FHL2: variants seen among roughly 807,000 people sequenced by gnomAD.
FHL2 encodes four and a half LIM domains 2, also known as four and a half LIM domains protein 2.
Under a neutral mutation model 32.7 loss-of-function variants are expected in FHL2, and 20 were observed. That is an observed-to-expected ratio of 0.61 (90% CI 0.43 to 0.89). The LOEUF (loss-of-function observed/expected upper bound fraction) is 0.89, where lower values mean the gene tolerates loss of function less well. Among genes scored for constraint, FHL2 ranks in the 40% least tolerant of loss-of-function variants. The pLI is 0.00. For synonymous variants in FHL2, 123 were observed against 128.1 expected (o/e 0.96, Z 0.27); for missense variants, 311 against 358.6 (o/e 0.87, Z 1.07).
At chr2:105,399,908 G>A (rs141968068), upstream of FHL2, among the ~76,000 whole-genome samples, 1 of 152,174 alleles carries the variant, frequency 6.6e-6, no homozygotes, top group Admixed American at 6.5e-5. Flanking sequence ...TTGGGGGCAG[G>A]TGTATTATTT....
intron 1 of FHL2, among the ~76,000 whole-genome samples, chr2:105,417,684 C>CAAAA (rs11353319): frequency 3.5e-4 from 31 of 89,376 alleles, no homozygotes; most frequent in African/African-American, 5.3e-4. Flanking sequence ...ACTCCATCTC[C>CAAAA]AAAAAAAAAA....
intron 1 of FHL2, among the ~76,000 whole-genome samples, chr2:105,433,088 C>A (rs1265546679): frequency 2.0e-5 from 3 of 152,110 alleles, no homozygotes; most frequent in African/African-American, 4.8e-5. Flanking sequence ...TGGATGAATA[C>A]CCTTCCCAGC....
At chr2:105,395,956 C>T (rs6760265) in intron 2 of FHL2, among the ~76,000 whole-genome samples, 13,415 of 152,172 alleles carry the variant, frequency 0.088, 775 homozygotes, top group African/African-American at 0.16. Context: ...GGAGACCAGA[C>T]GCTGCTCCAG....
chr2:105,390,884 C>T (rs1002903301), intron 2 of FHL2, among the ~76,000 whole-genome samples: 2 of 151,834 alleles, frequency 1.3e-5, no homozygotes, highest in African/African-American at 4.8e-5. Flanking sequence ...GCAGCCTCCA[C>T]CTCCCGGGTT....
At chr2:105,413,512 T>C (rs1683853622) in intron 1 of FHL2, among the ~76,000 whole-genome samples, 1 of 152,062 alleles carries the variant, frequency 6.6e-6, no homozygotes, top group Non-Finnish European at 1.5e-5. Context: ...GAGGCAGGGT[T>C]ACCCGGGCTG....
intron 1 of FHL2, among the ~76,000 whole-genome samples, chr2:105,436,497 T>A (rs1518609): frequency 0.84 from 128,492 of 152,092 alleles, 55,017 homozygotes; most frequent in Non-Finnish European, 0.92. Context: ...ATTTTGAATC[T>A]ACAGTAAAAG....
At position 105,412,801 on chromosome 2, in the gene FHL2, G is replaced by C. The variant is rs114382685; in HGVS notation, c.-25+25598C>G. On this transcript the variant is annotated intron_variant, in intron 1 of 5. Coordinates refer to the FHL2 transcript ENST00000393352. ...GACACAGCCGAGGAGCAGTGGCCAG[G>C]GGGTGCTGAGAGTGTGTTGCACGTG... 9.3e-3 allele frequency among the ~76,000 whole-genome samples: 1,421 copies of C among 152,314 alleles called. 23 individuals are homozygous for C. The highest frequency in any genetic ancestry group is 0.032 in the African/African-American group (1,350 of 41,564).
upstream of FHL2, among the ~76,000 whole-genome samples, chr2:105,402,723 A>G (rs1683513014): frequency 1.3e-5 from 2 of 152,228 alleles, no homozygotes; most frequent in South Asian, 4.1e-4. Context: ...TCGAAGGACA[A>G]AGTATTAAAA....
intron 3 of FHL2, among the ~76,000 whole-genome samples, chr2:105,384,851 G>A (rs1462775672): frequency 6.6e-6 from 1 of 152,190 alleles, no homozygotes; most frequent in Non-Finnish European, 1.5e-5. Context: ...GCACGGAAGG[G>A]TCAAGTAACT....
At chr2:105,399,313 G>T, upstream of FHL2, 4 of 1,535,860 alleles carry the variant, frequency 2.6e-6, no homozygotes, top group South Asian at 4.8e-5. Context: ...GGGCTCTCGG[G>T]CGCGAGTTTC....
At chr2:105,413,862 C>T (rs1406087193) in intron 1 of FHL2, among the ~76,000 whole-genome samples, 1 of 152,166 alleles carries the variant, frequency 6.6e-6, no homozygotes, top group Non-Finnish European at 1.5e-5. Context: ...CCTCCATATA[C>T]CAAGCAATTC....
At chr2:105,419,477 T>C (rs1319378949) in intron 1 of FHL2, among the ~76,000 whole-genome samples, 1 of 152,198 alleles carries the variant, frequency 6.6e-6, no homozygotes, top group East Asian at 1.9e-4. Flanking sequence ...AATTTCCCTT[T>C]GTGAAGGTGT....
upstream of FHL2, among the ~76,000 whole-genome samples, chr2:105,399,958 G>A (rs1202615283): frequency 2.0e-5 from 3 of 152,170 alleles, no homozygotes; most frequent in African/African-American, 4.8e-5. Context: ...ATCCTCCAGA[G>A]AAGGCGGGAA....
At chr2:105,385,776 A>G (rs1368788600) in intron 3 of FHL2, 1 of 153,022 alleles carries the variant, frequency 6.5e-6, no homozygotes, top group African/African-American at 2.4e-5. Context: ...GGTACAAGTG[A>G]CCAGTGGTCT....
intron 1 of FHL2, among the ~76,000 whole-genome samples, chr2:105,405,012 T>A (rs186727947): frequency 6.6e-6 from 1 of 152,190 alleles, no homozygotes; most frequent in African/African-American, 2.4e-5. Context: ...AGAAAGACTC[T>A]GTTTGGTACA....
rs1414805444 is a variant in FHL2 at position 105,398,937 on chromosome 2, C to T, written c.-171G>A. The T allele has an allele frequency of 6.5e-7, 1 of 1,536,250 alleles. No homozygotes were observed. The highest frequency in any genetic ancestry group is 2.0e-5 in the Admixed American group (1 of 49,252). ...CCCTGGTGGCTAAGCCCCTCGGCCT[C>T]CCTCCGGGGCGCAGGGGGTTGGAGG... On this transcript the variant is annotated 5_prime_UTR_variant, in exon 1 of 7. Transcript: ENST00000530340.
At chr2:105,361,962 T>C (rs1680302424) in intron 6 of FHL2, among the ~76,000 whole-genome samples, 1 of 152,216 alleles carries the variant, frequency 6.6e-6, no homozygotes, top group Non-Finnish European at 1.5e-5. Flanking sequence ...TGCAGACAGA[T>C]AGAATGGAAT....
At chr2:105,402,627 T>C (rs1683509649), upstream of FHL2, among the ~76,000 whole-genome samples, 1 of 152,168 alleles carries the variant, frequency 6.6e-6, no homozygotes, top group African/African-American at 2.4e-5. Flanking sequence ...CTGATATTAA[T>C]AGTAAGTCAA....
chr2:105,413,588 C>T (rs1683855799), intron 1 of FHL2, among the ~76,000 whole-genome samples: 1 of 152,214 alleles, frequency 6.6e-6, no homozygotes, highest in Admixed American at 6.5e-5. Context: ...ATCCTCCCAC[C>T]TCAGCCTCCC....
Sources: allele counts gnomAD v4.1 joint callset (sites outside exome capture counted in the v4.1 genomes callset), GRCh38; gene constraint gnomAD v4.1.1; transcripts MANE v1.5; gene names NCBI Gene and HGNC (gene_info 2026-07-23, HGNC 2026-07-21).